Variants in MYO16 observed in about 807,000 individuals in gnomAD.
The protein encoded by MYO16 is unconventional myosin-XVI.
Under a neutral mutation model 205.3 loss-of-function variants are expected in MYO16, and 94 were observed. The ratio of observed to expected loss-of-function variants is 0.46; its 90% confidence interval spans 0.39 to 0.54. MYO16 has a LOEUF of 0.54. MYO16 is among the 20% of genes least tolerant of loss of function. The pLI is 0.00. For missense variants in MYO16, 2,315 were observed against 2,387.5 expected, an observed-to-expected ratio of 0.97 and a Z score of 0.63; for synonymous variants, 988 against 954.0, an observed-to-expected ratio of 1.04 and a Z score of -0.66.
At chr13:108,677,888 A>G (rs750448271) in intron 2 of MYO16, among the ~76,000 whole-genome samples, 2 of 152,232 alleles carry the variant, frequency 1.3e-5, no homozygotes, top group Non-Finnish European at 2.9e-5. Context: ...CATAGCTGGT[A>G]TAAACCTAGA....
intron 4 of MYO16, among the ~76,000 whole-genome samples, chr13:108,731,919 A>G (rs1380437282): frequency 2.0e-5 from 3 of 152,210 alleles, no homozygotes; most frequent in African/African-American, 7.2e-5. Context: ...CAATTAATCA[A>G]ATGAACCCCT....
chr13:108,846,989 G>A (rs1230665982), intron 10 of MYO16, among the ~76,000 whole-genome samples: 2 of 152,148 alleles, frequency 1.3e-5, no homozygotes, highest in Non-Finnish European at 2.9e-5. Flanking sequence ...TTTAGCAGTA[G>A]TAAGTACAAT....
intron 23 of MYO16, among the ~76,000 whole-genome samples, chr13:109,029,452 G>A (rs1025537831): frequency 5.9e-5 from 9 of 151,920 alleles, no homozygotes; most frequent in Non-Finnish European, 1.0e-4. Context: ...CTTTCATAAC[G>A]TGTCCTTTAC....
chr13:109,169,935 A>G (rs1450807130), intron 33 of MYO16, among the ~76,000 whole-genome samples: 2 of 152,236 alleles, frequency 1.3e-5, no homozygotes, highest in Admixed American at 6.5e-5. Flanking sequence ...ATTGCTATCC[A>G]TGTGGAGCAA....
chr13:108,516,726 A>G, the MYO16 span, among the ~76,000 whole-genome samples: 3 of 152,122 alleles, frequency 2.0e-5, no homozygotes, highest in African/African-American at 7.2e-5. Context: ...CTAAGTACAC[A>G]TGTCTAAATG....
chr13:108,549,389 AGCACAGT>A, the MYO16 span, among the ~76,000 whole-genome samples: 1 of 150,302 alleles, frequency 6.7e-6, no homozygotes. Context: ...TTCTCAAAGG[AGCACAGT>A]GCTGCTGACA....
chr13:108,933,288 C>T (rs914540507), intron 16 of MYO16, among the ~76,000 whole-genome samples: 53 of 152,124 alleles, frequency 3.5e-4, no homozygotes, highest in African/African-American at 1.2e-3. Flanking sequence ...GTTATGCAGA[C>T]AGGAATGCCT....
chr13:108,593,837 C>G (rs543025902), upstream of MYO16, among the ~76,000 whole-genome samples: 1 of 152,314 alleles, frequency 6.6e-6, no homozygotes, highest in Admixed American at 6.5e-5. Context: ...ATGTCACGCC[C>G]TCTGTCCCAG....
chr13:109,026,925 G>A (rs1415566436), intron 23 of MYO16, among the ~76,000 whole-genome samples: 2 of 152,134 alleles, frequency 1.3e-5, no homozygotes, highest in Admixed American at 6.5e-5. Context: ...CGTTTTCCAG[G>A]TAAATAAGCC....
At chr13:109,133,175 C>T (rs1264385147) in intron 31 of MYO16, among the ~76,000 whole-genome samples, 1 of 152,220 alleles carries the variant, frequency 6.6e-6, no homozygotes, top group Non-Finnish European at 1.5e-5. Context: ...ATCTATCCTA[C>T]ATCCACTCAT....
the MYO16 span, among the ~76,000 whole-genome samples, chr13:108,590,848 A>G: frequency 6.6e-6 from 1 of 152,014 alleles, no homozygotes; most frequent in East Asian, 1.9e-4. Flanking sequence ...AAGGAGCACA[A>G]CCTCACCCCC....
At chr13:108,881,198 C>A (rs1485879281) in intron 12 of MYO16, among the ~76,000 whole-genome samples, 1 of 152,140 alleles carries the variant, frequency 6.6e-6, no homozygotes, top group African/African-American at 2.4e-5. Context: ...GGACCTCCAG[C>A]AAATTTCAAC....
At chr13:108,999,501 A>G (rs559846937) in intron 21 of MYO16, among the ~76,000 whole-genome samples, 1 of 152,356 alleles carries the variant, frequency 6.6e-6, no homozygotes, top group Admixed American at 6.5e-5. Flanking sequence ...ATCATTAAAT[A>G]ATGAGATGCT....
At chr13:108,669,921 C>T (rs1594194107) in intron 2 of MYO16, among the ~76,000 whole-genome samples, 1 of 151,900 alleles carries the variant, frequency 6.6e-6, no homozygotes, top group Non-Finnish European at 1.5e-5. Context: ...TGGGGCCTGT[C>T]GGGGGATGGG....
At chr13:109,190,866 T>C (rs1319324972) in intron 34 of MYO16, among the ~76,000 whole-genome samples, 1 of 152,150 alleles carries the variant, frequency 6.6e-6, no homozygotes, top group East Asian at 1.9e-4. Context: ...TAAAGCAACT[T>C]AAAGCATATA....
intron 11 of MYO16, among the ~76,000 whole-genome samples, chr13:108,858,210 T>C (rs1878287635): frequency 6.6e-6 from 1 of 152,220 alleles, no homozygotes; most frequent in Admixed American, 6.5e-5. Flanking sequence ...TCCCTATCTG[T>C]TGGAGTTAAT....
chr13:108,763,375 C>G (rs1171390120), intron 4 of MYO16, among the ~76,000 whole-genome samples: 1 of 152,132 alleles, frequency 6.6e-6, no homozygotes, highest in Non-Finnish European at 1.5e-5. Context: ...GATGCCCCAC[C>G]TAGTCTAATG....
At chr13:108,712,106 G>A (rs948617366) in intron 2 of MYO16, among the ~76,000 whole-genome samples, 3 of 152,106 alleles carry the variant, frequency 2.0e-5, no homozygotes, top group African/African-American at 4.8e-5. Flanking sequence ...GAATTTATTC[G>A]AGTAATTGGT....
At chr13:108,632,936 C>T (rs377420791) in intron 1 of MYO16, among the ~76,000 whole-genome samples, 4 of 152,212 alleles carry the variant, frequency 2.6e-5, no homozygotes, top group East Asian at 1.9e-4. Context: ...TGAACTGAAG[C>T]GGAGGCTTGA....
Sources: gnomAD v4.1 joint callset for allele counts (sites outside exome capture counted in the v4.1 genomes callset) on GRCh38, gnomAD v4.1.1 for gene constraint, MANE v1.5 for transcripts, NCBI Gene and HGNC (gene_info 2026-07-23, HGNC 2026-07-21) for gene names.